The following LPA variants were observed in gnomAD, a reference collection of about 807,000 sequenced individuals.
The protein encoded by LPA is lipoprotein(a).
Under a neutral mutation model 197.9 loss-of-function variants are expected in LPA, and 199 were observed. That is an observed-to-expected ratio of 1.01 (90% CI 0.90 to 1.13). The LOEUF (loss-of-function observed/expected upper bound fraction) is 1.13, where lower values mean the gene tolerates loss of function less well. Among genes scored for constraint, LPA ranks in the 50% most tolerant of loss-of-function variants. LPA has a pLI of 0.00. For synonymous variants in LPA, 715 were observed against 639.5 expected (o/e 1.12, Z -1.78); for missense variants, 1,853 against 1,785.8 (o/e 1.04, Z -0.68).
intron 17 of LPA, among the ~76,000 whole-genome samples, 177 bp downstream of exon 17, chr6:160,606,300 C>A (rs1467123610): frequency 2.0e-5 from 3 of 152,172 alleles, no homozygotes; most frequent in African/African-American, 7.2e-5. Context: ...CAACGTTGTA[C>A]CAGAAATCAA....
chr6:160,653,531 GTAAT>G (rs1309832925), intron 1 of LPA, among the ~76,000 whole-genome samples: 1 of 151,640 alleles, frequency 6.6e-6, no homozygotes, highest in East Asian at 1.9e-4. Flanking sequence ...AGTTGAATCA[GTAAT>G]TAAAAACCTA....
chr6:160,647,383 A>AC (rs2115094397), intron 2 of LPA, among the ~76,000 whole-genome samples: 1 of 152,278 alleles, frequency 6.6e-6, no homozygotes, highest in South Asian at 2.1e-4. Context: ...CACATTCATG[A>AC]CCTGTGGCTG....
chr6:160,663,254 T>A (rs1313768622), intron 1 of LPA, among the ~76,000 whole-genome samples: 2 of 152,204 alleles, frequency 1.3e-5, no homozygotes, highest in African/African-American at 4.8e-5. Context: ...TTCAGTTACA[T>A]TGGAATGTGT....
intron 20 of LPA, among the ~76,000 whole-genome samples, chr6:160,597,439 C>A (rs189954735): frequency 6.6e-5 from 10 of 152,294 alleles, no homozygotes; most frequent in Admixed American, 6.5e-4. Flanking sequence ...GCTCGTGTGG[C>A]TCTAGGATTC....
intron 16 of LPA, among the ~76,000 whole-genome samples, chr6:160,607,288 C>T (rs896434800): frequency 6.6e-6 from 1 of 152,088 alleles, no homozygotes; most frequent in Non-Finnish European, 1.5e-5. Context: ...TTTGTTTCTG[C>T]AAGACTTCTC....
At position 160,646,198 on chromosome 6, in the gene LPA, G is replaced by GTCGCCGTATCAT; in HGVS notation, c.391+15_391+16insATGATACGGCGA. The GTCGCCGTATCAT allele has an allele frequency of 2.2e-4, 1 of 4,462 alleles. No homozygotes were observed. The highest frequency in any genetic ancestry group is 4.6e-4 in the Non-Finnish European group (1 of 2,152). 0.3% of individuals were successfully genotyped at this position (4,462 alleles called of 1,614,324 possible). A position where few individuals can be genotyped will look rare whatever the true frequency, so the allele number is the denominator to read the frequency against. The stretch of plus-strand genomic sequence containing the variant: ...CAGCATCGAAGCGTGTAGATGTCTG[G>GTCGCCGTATCAT]CCACAGACTCCTTACCTTGTTCGGA... On this transcript the variant is annotated intron_variant, in intron 3 of 38. Coordinates refer to ENST00000316300, the MANE Select transcript of LPA (RefSeq NM_005577.4).
intron 21 of LPA, among the ~76,000 whole-genome samples, chr6:160,594,571 G>A (rs1779093889): frequency 6.6e-6 from 1 of 152,150 alleles, no homozygotes; most frequent in African/African-American, 2.4e-5. Context: ...TTGAAGATGG[G>A]GCAGGAAGCG....
chr6:160,562,735 C>T (rs1017212103), intron 28 of LPA, among the ~76,000 whole-genome samples: 6 of 152,132 alleles, frequency 3.9e-5, no homozygotes, highest in Admixed American at 2.6e-4. Flanking sequence ...ATTACTGCCT[C>T]GATTTCAGAA....
chr6:160,596,283 A>C (rs1779130359), intron 20 of LPA, among the ~76,000 whole-genome samples: 1 of 152,188 alleles, frequency 6.6e-6, no homozygotes, highest in South Asian at 2.1e-4. Flanking sequence ...TTTTCAAAGA[A>C]TCAACTTTCT....
Position 160,547,834 on chromosome 6 carries a change from G to T in LPA, c.5259C>A (p.Ser1753Arg). ...ATTTATTTGTCCCTGGAATGAACGT[G>T]CTGTGTCTATGGGGCTCCTGGGCAG... ...EWAAQEPHRH[S>R]TFIPGTNKWA... The change falls in exon 32 of 39, where the codon AGC (serine) becomes AGA (arginine). Residue 1753 changes from serine (S) to arginine (R), a missense_variant. By Grantham distance (110) the Ser-to-Arg change is moderately radical (BLOSUM62 -1). Transcript: ENST00000316300. The T allele has an allele frequency of 6.2e-7, 1 of 1,614,102 alleles. No individual in the cohort carries two copies. Among genetic ancestry groups the T allele is most frequent in the Non-Finnish European group, 8.5e-7 (1 of 1,180,016 alleles).
intron 35 of LPA, 142 bp from the exon 36 acceptor site, chr6:160,540,325 A>T: frequency 1.2e-6 from 1 of 851,604 alleles, no homozygotes; most frequent in Non-Finnish European, 1.9e-6. Flanking sequence ...CAAAATTCAC[A>T]ATTTGCTGGA....
rs567574605 is a variant in LPA at position 160,600,527 on chromosome 6, C to A, written c.3127+390G>T. On this transcript the variant is annotated intron_variant, in intron 19 of 38. Coordinates refer to ENST00000316300, the MANE Select transcript of LPA (RefSeq NM_005577.4). The stretch of plus-strand genomic sequence containing the variant: ...GATCTAGAGCCACATTTCTCGGAAT[C>A]TGCAATGCTGAAGATTGCACTGAAT... Among the ~76,000 whole-genome samples, 12 of 152,292 alleles carry A rather than the reference C, an allele frequency of 7.9e-5. No individual in the cohort carries two copies. In the South Asian group the frequency reaches 2.5e-3, roughly 32 times the overall value.
chr6:160,539,840 C>T (rs201035740), intron 36 of LPA, among the ~76,000 whole-genome samples: 1 of 151,900 alleles, frequency 6.6e-6, no homozygotes, highest in Non-Finnish European at 1.5e-5. Context: ...CGTGAGGAAA[C>T]GAATCCTTCT....
At chr6:160,555,468 T>G (rs1378507084) in intron 30 of LPA, among the ~76,000 whole-genome samples, 1 of 145,458 alleles carries the variant, frequency 6.9e-6, no homozygotes, top group Non-Finnish European at 1.5e-5. Flanking sequence ...TGTGTGTATA[T>G]ATATATGTAT....
intron 21 of LPA, among the ~76,000 whole-genome samples, chr6:160,594,977 T>C (rs6907156): frequency 0.047 from 7,224 of 152,276 alleles, 567 homozygotes; most frequent in African/African-American, 0.16. Context: ...AAAGATGCAA[T>C]GAACACTGAC....
At chr6:160,659,286 G>A (rs1486186204) in intron 1 of LPA, among the ~76,000 whole-genome samples, 1 of 152,172 alleles carries the variant, frequency 6.6e-6, no homozygotes, top group Non-Finnish European at 1.5e-5. Flanking sequence ...GGTGGCTGGG[G>A]CACACTGGGG....
intron 28 of LPA, among the ~76,000 whole-genome samples, chr6:160,564,979 G>A (rs754849889): frequency 2.0e-5 from 3 of 152,198 alleles, no homozygotes; most frequent in Non-Finnish European, 2.9e-5. Context: ...TGGGGGAGGG[G>A]CGTCTGCCAT....
intron 18 of LPA, among the ~76,000 whole-genome samples, chr6:160,603,857 T>A (rs1286321377): frequency 6.6e-6 from 1 of 152,194 alleles, no homozygotes; most frequent in African/African-American, 2.4e-5. Flanking sequence ...AGAAATTTAC[T>A]AATTCTACTC....
At chr6:160,626,633 A>G (rs1164429789) in intron 10 of LPA, among the ~76,000 whole-genome samples, 2 of 122,572 alleles carry the variant, frequency 1.6e-5, no homozygotes, top group Middle Eastern at 4.3e-3. Context: ...TGTACTGTTA[A>G]TTTCTCTTGA....
Sources: allele counts gnomAD v4.1 joint callset (sites outside exome capture counted in the v4.1 genomes callset), GRCh38; gene constraint gnomAD v4.1.1; transcripts MANE v1.5; gene names NCBI Gene and HGNC (gene_info 2026-07-23, HGNC 2026-07-21).